Variants in F8 observed in about 807,000 individuals in gnomAD.
F8 encodes antihemophilic factor.
F8 carries 12 observed loss-of-function variants against 140.6 expected under a neutral mutation model. The observed-to-expected ratio is 0.09, with a 90% CI of 0.05 to 0.14. The LOEUF is 0.14. Among genes scored for constraint, F8 ranks in the 10% least tolerant of loss-of-function variants. F8 has a pLI of 1.00. For missense variants in F8, 1,354 were observed against 1,720.7 expected (o/e 0.79, Z 3.77); for synonymous variants, 585 against 614.6 (o/e 0.95, Z 0.71).
chrX:154,899,871 T>C lies in F8; in HGVS notation c.6268A>G (p.Ile2090Val). ...AWSTKEPFSW[I>V]KVDLLAPMII... ...CATTGATTACATTTTCTAACCTTGA[T>C]CCAAGAAAAGGGCTCCTTGGTGCTC... Residue 2090 changes from isoleucine to valine, a missense_variant, in exon 21 of 26, where the codon ATC becomes GTC. Physicochemically the swap from Ile to Val is conservative, Grantham distance 29. Transcript: ENST00000360256. 8.3e-7 allele frequency: 1 copy of C among 1,209,207 alleles called. No individual in the cohort carries two copies. The highest frequency in any genetic ancestry group is 1.1e-6 in the Non-Finnish European group (1 of 893,031).
intron 23 of F8, 87 bp downstream of exon 23, chrX:154,862,996 C>T: frequency 9.5e-7 from 1 of 1,050,045 alleles, no homozygotes. Context: ...TACCGGGAAC[C>T]CCTCCCCCAG....
At chrX:154,903,722 T>C (rs1402744524) in intron 18 of F8, among the ~76,000 whole-genome samples, 184 bp downstream of exon 18, 1 of 112,163 alleles carries the variant, frequency 8.9e-6, no homozygotes, top group African/African-American at 3.2e-5. Flanking sequence ...AATTTTTCTA[T>C]ATCTGAAATT....
chrX:154,998,396 G>C (rs782040496), intron 2 of F8, among the ~76,000 whole-genome samples: 2 of 113,126 alleles, frequency 1.8e-5, no homozygotes, highest in East Asian at 2.8e-4. Context: ...GGAAAGGAGG[G>C]GGGAGGGTAA....
At chrX:154,972,257 A>C (rs1312383768) in intron 6 of F8, among the ~76,000 whole-genome samples, 1 of 111,176 alleles carries the variant, frequency 9.0e-6, no homozygotes, top group Admixed American at 9.5e-5. Context: ...TTTGATTTTA[A>C]TTTTCCTGAT....
At chrX:155,008,878 G>C (rs2073690971) in intron 1 of F8, among the ~76,000 whole-genome samples, 1 of 109,413 alleles carries the variant, frequency 9.1e-6, no homozygotes, top group African/African-American at 3.3e-5. Flanking sequence ...GGACATGTTG[G>C]TCCAACCTGG....
chrX:154,854,418 A>C (rs979246381), intron 25 of F8, among the ~76,000 whole-genome samples: 3 of 112,339 alleles, frequency 2.7e-5, no homozygotes, highest in Non-Finnish European at 5.6e-5. Context: ...CTGGGACTTC[A>C]GTTTTTTTCC....
At position 154,837,416 on chromosome X, in the gene F8, G is replaced by A. The variant is rs2072481922; in HGVS notation, c.*181C>T. 2.1e-6 allele frequency: 1 copy of A among 478,223 alleles called. No homozygotes were observed. The highest frequency in any genetic ancestry group is 3.7e-5 in the Admixed American group (1 of 26,692). The allele number at this position is 478,223 out of a possible 1,213,427, so 39.4% of individuals were successfully genotyped here. On this transcript the variant is annotated 3_prime_UTR_variant, in exon 26 of 26. Coordinates refer to ENST00000360256, the MANE Select transcript of F8 (RefSeq NM_000132.4). Reference sequence around the variant, plus strand: ...AAATAGGTAAGAGTTAAGTTAAATTGGATGCACCCTCCTGGCCCCCCACCA... The same window carrying A: ...AAATAGGTAAGAGTTAAGTTAAATTAGATGCACCCTCCTGGCCCCCCACCA...
chrX:155,003,800 A>C (rs1557285857), intron 1 of F8, among the ~76,000 whole-genome samples: 1 of 109,751 alleles, frequency 9.1e-6, no homozygotes, highest in Non-Finnish European at 1.9e-5. Context: ...TTACTAAAAA[A>C]TACAAAAAAA....
rs2072483049 is a variant in F8, at chrX:154,837,522, A to G, written c.*75T>C. ...AGGATTTAGCACAAAGGTAGAAGGC[A>G]AGCCAGGGAGGGACACTGCCCTGGA... On this transcript the variant is annotated 3_prime_UTR_variant, in exon 26 of 26. Transcript: ENST00000360256. 4 of 1,110,477 alleles carry G rather than the reference A, an allele frequency of 3.6e-6. No homozygotes were observed. The highest frequency in any genetic ancestry group is 1.2e-6 in the Non-Finnish European group (1 of 822,276). The allele number at this position is 1,110,477 out of a possible 1,213,427, so 91.5% of individuals were successfully genotyped here.
intron 12 of F8, among the ~76,000 whole-genome samples, chrX:154,953,419 C>T (rs1342744264): frequency 8.9e-6 from 1 of 111,866 alleles, no homozygotes; most frequent in Admixed American, 9.5e-5. Context: ...AGGAGAGAAG[C>T]CTCAGAAGAA....
At chrX:154,994,583 G>A (rs1557284947) in intron 3 of F8, among the ~76,000 whole-genome samples, 1 of 111,877 alleles carries the variant, frequency 8.9e-6, no homozygotes, top group Non-Finnish European at 1.9e-5. Context: ...AATATCCCAT[G>A]CTATTGAATA....
At chrX:154,955,879 G>C (rs1040315487) in intron 11 of F8, among the ~76,000 whole-genome samples, 1 of 111,718 alleles carries the variant, frequency 9.0e-6, no homozygotes, top group Non-Finnish European at 1.9e-5. Flanking sequence ...CAGGAAACAG[G>C]GTTCAAGAGC....
chrX:154,951,895 A>T (rs1361546396), intron 12 of F8, among the ~76,000 whole-genome samples: 4 of 111,579 alleles, frequency 3.6e-5, no homozygotes, highest in Non-Finnish European at 7.5e-5. Context: ...GAGGAAAAAA[A>T]ATATATATCA....
intron 14 of F8, among the ~76,000 whole-genome samples, chrX:154,915,272 G>A (rs1692248051): frequency 8.9e-6 from 1 of 112,051 alleles, no homozygotes. Flanking sequence ...TACAATTCAA[G>A]ATGAGATTTG....
chrX:154,947,510 G>A (rs1341505637), intron 13 of F8, among the ~76,000 whole-genome samples, 188 bp downstream of exon 13: 1 of 111,350 alleles, frequency 9.0e-6, no homozygotes, highest in African/African-American at 3.3e-5. Context: ...GAACTACTAC[G>A]TGATCCTTCA....
At chrX:154,976,432 T>C (rs2124118580) in intron 6 of F8, among the ~76,000 whole-genome samples, 1 of 111,400 alleles carries the variant, frequency 9.0e-6, no homozygotes, top group South Asian at 3.8e-4. Flanking sequence ...TTTATTTTTA[T>C]TTTTATTATA....
intron 1 of F8, among the ~76,000 whole-genome samples, chrX:155,017,404 T>C (rs1008068440): frequency 1.3e-4 from 15 of 112,533 alleles, no homozygotes; most frequent in African/African-American, 3.2e-4. Context: ...TGATGTAGTT[T>C]GTTACACAGC....
At position 154,857,806 on chromosome X, in the gene F8, C is replaced by T. The variant is rs146522589; in HGVS notation, c.6900+2626G>A. On this transcript the variant is annotated intron_variant, in intron 25 of 25. Transcript: ENST00000360256. Reference sequence around the variant, plus strand: ...ATTTATGTCCCATGTGAGTGCTCAACGAAGGGTGACCTCAGCAGATAAGGA... The same window carrying T: ...ATTTATGTCCCATGTGAGTGCTCAATGAAGGGTGACCTCAGCAGATAAGGA... 5.8e-3 allele frequency among the ~76,000 whole-genome samples: 655 copies of T among 112,273 alleles called. 7 individuals carry two copies. Among genetic ancestry groups the T allele is most frequent in the African/African-American group, 0.02 (625 of 30,944 alleles).
chrX:154,915,657 T>A (rs1030125226), intron 14 of F8, among the ~76,000 whole-genome samples: 2 of 112,625 alleles, frequency 1.8e-5, no homozygotes, highest in Non-Finnish European at 3.8e-5. Context: ...CTGATTTTTG[T>A]ATGTTGGTTT....
Sources: gnomAD v4.1 joint callset for allele counts (sites outside exome capture counted in the v4.1 genomes callset) on GRCh38, gnomAD v4.1.1 for gene constraint, MANE v1.5 for transcripts, NCBI Gene and HGNC (gene_info 2026-07-23, HGNC 2026-07-21) for gene names.